RNASEL: variants seen among roughly 807,000 people sequenced by gnomAD.
RNASEL encodes 2-5A-dependent ribonuclease.
Under a neutral mutation model 50.9 loss-of-function variants are expected in RNASEL, and 36 were observed. That is an observed-to-expected ratio of 0.71 (90% CI 0.54 to 0.93). RNASEL has a LOEUF of 0.93. RNASEL is among the 40% of genes least tolerant of loss of function. RNASEL has a pLI of 0.00. For missense variants in RNASEL, 860 were observed against 894.5 expected (o/e 0.96, Z 0.49); for synonymous variants, 335 against 335.6 (o/e 1.00, Z 0.02).
In RNASEL at chr1:182,586,809, C is replaced by G. The variant is rs532064654; in HGVS notation, c.-3G>C. On this transcript the variant is annotated 5_prime_UTR_variant, in exon 2 of 7. Coordinates refer to ENST00000367559, the MANE Select transcript of RNASEL (RefSeq NM_021133.4). ...TTGTTATGATCCCTGCTCTCCATGA[C>G]GGTAAATGCCACCTGCTACCACTTT... 6.2e-7 allele frequency: 1 copy of G among 1,614,070 alleles called. No individual in the cohort carries two copies. The highest frequency in any genetic ancestry group is 8.5e-7 in the Non-Finnish European group (1 of 1,180,034).
Position 182,586,435 on chromosome 1 carries a change from A to G in RNASEL, c.372T>C (p.Tyr124=), listed in dbSNP as rs1393826700. 6.2e-7 allele frequency: 1 copy of G among 1,614,118 alleles called. No individual in the cohort carries two copies. The highest frequency in any genetic ancestry group is 8.5e-7 in the Non-Finnish European group (1 of 1,180,044). The part of the protein sequence containing the change: ...KGADVNECDF[Y]GFTAFMEAAV... ...CGGCTTCCATGAAGGCTGTGAAGCC[A>G]TAAAAATCACACTCATTGACATCTG... The change falls in exon 2 of 7, where the codon TAT becomes TAC. Residue 124 remains tyrosine (Y), a synonymous_variant. Coordinates refer to ENST00000367559, the MANE Select transcript of RNASEL (RefSeq NM_021133.4).
Position 182,575,728 on chromosome 1 carries a change from C to A in RNASEL, c.2040-150G>T. ...AATCTGACAGAGCAAGACTCCTCCC[C>A]TGACTCTTCAACTAATTGTGCAACC... On this transcript the variant is annotated intron_variant, in intron 6 of 6. Transcript: ENST00000367559. 7.0e-6 allele frequency: 7 copies of A among 998,308 alleles called. No homozygotes were observed. The South Asian group carries it at 1.0e-4, about 14-fold the overall frequency. The allele number at this position is 998,308 out of a possible 1,614,324, so 61.8% of individuals were successfully genotyped here.
chr1:182,583,220 T>A (rs758045359), intron 3 of RNASEL, among the ~76,000 whole-genome samples: 5 of 152,088 alleles, frequency 3.3e-5, no homozygotes, highest in African/African-American at 4.8e-5. Flanking sequence ...CTTATTAAGG[T>A]AGTGGAGGAA....
rs550586255 is a variant in RNASEL at position 182,574,193 on chromosome 1, A to G, written c.*1199T>C. The G allele has an allele frequency of 5.8e-5, 13 of 225,132 alleles. No individual in the cohort carries two copies. In the South Asian group the frequency reaches 2.4e-3, roughly 41 times the overall value. The allele number at this position is 225,132 out of a possible 1,614,324, so 13.9% of individuals were successfully genotyped here. ...TTCATTCATTATTCAATGAATATTT[A>G]TTAAACATTCCCACTTGGCAGACTT... On this transcript the variant is annotated 3_prime_UTR_variant, in exon 7 of 7. Coordinates refer to ENST00000367559, the MANE Select transcript of RNASEL (RefSeq NM_021133.4).
intron 3 of RNASEL, among the ~76,000 whole-genome samples, chr1:182,583,414 T>C (rs1355306929): frequency 2.0e-5 from 3 of 152,194 alleles, no homozygotes; most frequent in Admixed American, 6.5e-5. Flanking sequence ...CATTCTTTTT[T>C]TCCTGGTTAA....
At chr1:182,579,497 G>T (rs549205190) in intron 5 of RNASEL, 1 of 1,076,726 alleles carries the variant, frequency 9.3e-7, no homozygotes, top group African/African-American at 1.7e-5. Context: ...CAGAACACCC[G>T]TGAGAAACGC....
intron 1 of RNASEL, 81 bp from the exon 2 acceptor site, chr1:182,587,051 T>A (rs1175150616): frequency 5.1e-6 from 2 of 388,948 alleles, no homozygotes; most frequent in African/African-American, 4.1e-5. Context: ...TATTAGCATT[T>A]TTTCTAAATA....
Position 182,586,153 on chromosome 1 carries a change from C to A in RNASEL, c.654G>T (p.Val218=). The part of the protein sequence containing the change: ...HALLSSDDSD[V]EAITHLLLDH... ...CCAGCAGCAGATGCGTAATAGCCTC[C>A]ACATCACTATCGTCAGAGCTCAGGA... The change falls in exon 2 of 7, where the codon GTG becomes GTT. Residue 218 remains valine (V), a synonymous_variant. Coordinates refer to ENST00000367559, the MANE Select transcript of RNASEL (RefSeq NM_021133.4). 1 of 1,614,176 alleles carries A rather than the reference C, an allele frequency of 6.2e-7. No individual in the cohort carries two copies. The highest frequency in any genetic ancestry group is 8.5e-7 in the Non-Finnish European group (1 of 1,180,040).
At position 182,586,928 on chromosome 1, in the gene RNASEL, A is replaced by G; in HGVS notation, c.-122T>C. On this transcript the variant is annotated 5_prime_UTR_variant, in exon 2 of 7. Coordinates refer to ENST00000367559, the MANE Select transcript of RNASEL (RefSeq NM_021133.4). ...TGGGATTCTCTGGCAACAGAGCAGC[A>G]GTATGAAGAAGGAACAATGTTCTCA... 7.9e-7 allele frequency: 1 copy of G among 1,262,184 alleles called. No homozygotes were observed. The highest frequency in any genetic ancestry group is 1.1e-6 in the Non-Finnish European group (1 of 874,460). 78.2% of individuals were successfully genotyped at this position (1,262,184 alleles called of 1,614,324 possible).
At position 182,574,391 on chromosome 1, in the gene RNASEL, G is replaced by A. The variant is rs1661343490; in HGVS notation, c.*1001C>T. ...AGTGAGGGAGGCCTGGGAGCCTCCT[G>A]TGGGGCTGACACCAGAAGGAACTCC... On this transcript the variant is annotated 3_prime_UTR_variant, in exon 7 of 7. Coordinates refer to ENST00000367559, the MANE Select transcript of RNASEL (RefSeq NM_021133.4). 2 of 228,546 alleles carry A rather than the reference G, an allele frequency of 8.8e-6. No individual in the cohort carries two copies. The highest frequency in any genetic ancestry group is 1.7e-5 in the Non-Finnish European group (2 of 115,266). The allele number at this position is 228,546 out of a possible 1,614,324, so 14.2% of individuals were successfully genotyped here.
At chr1:182,580,693 T>C (rs12091818) in intron 5 of RNASEL, among the ~76,000 whole-genome samples, 21 of 152,250 alleles carry the variant, frequency 1.4e-4, no homozygotes, top group African/African-American at 5.1e-4. Flanking sequence ...CTATAATTAA[T>C]GCAAGTTAGG....
chr1:182,586,446 A>G lies in RNASEL; in HGVS notation c.361T>C (p.Cys121Arg). Residue 121 changes from cysteine to arginine, a missense_variant, in exon 2 of 7, where the codon TGT becomes CGT. Cys to Arg is a radical substitution (Grantham distance 180, BLOSUM62 -3). Transcript: ENST00000367559. ...FLSKGADVNECDFYGFTAFME... is the reference protein window; with the variant it reads ...FLSKGADVNERDFYGFTAFME... ...AAGGCTGTGAAGCCATAAAAATCAC[A>G]CTCATTGACATCTGCTCCTTTAGAA... 1 of 1,614,152 alleles carries G rather than the reference A, an allele frequency of 6.2e-7. No individual in the cohort carries two copies. Among genetic ancestry groups the G allele is most frequent in the Non-Finnish European group, 8.5e-7 (1 of 1,180,006 alleles).
chr1:182,575,056 T>C lies in RNASEL; in HGVS notation c.*336A>G, dbSNP rs1661353970. On this transcript the variant is annotated 3_prime_UTR_variant, in exon 7 of 7. Coordinates refer to ENST00000367559, the MANE Select transcript of RNASEL (RefSeq NM_021133.4). ...CTCAGTTCTTAAATGGGGATGATAA[T>C]CCCTGTTTTGCAAGATCATTGGGAA... is the stretch of plus-strand genomic sequence containing the variant. The C allele has an allele frequency of 2.6e-6, 1 of 384,764 alleles. No homozygotes were observed. Among genetic ancestry groups the C allele is most frequent in the Non-Finnish European group, 4.8e-6 (1 of 209,916 alleles). 23.8% of individuals were successfully genotyped at this position (384,764 alleles called of 1,614,324 possible). A position where few individuals can be genotyped will look rare whatever the true frequency, so the allele number is the denominator to read the frequency against.
chr1:182,573,696 G>A lies in RNASEL; in HGVS notation c.*1696C>T. The A allele has an allele frequency of 5.5e-6, 1 of 181,468 alleles. No homozygotes were observed. Among genetic ancestry groups the A allele is most frequent in the East Asian group, 9.1e-5 (1 of 11,024 alleles). 11.2% of individuals were successfully genotyped at this position (181,468 alleles called of 1,614,324 possible). On this transcript the variant is annotated 3_prime_UTR_variant, in exon 7 of 7. Transcript: ENST00000367559. ...ATGGGCATTTTAATTGACATGTCCA[G>A]GTGCTCATTACAAATCAGAGAACCA...
At chr1:182,577,797 A>G (rs756153330) in intron 5 of RNASEL, among the ~76,000 whole-genome samples, 45 of 152,330 alleles carry the variant, frequency 3.0e-4, no homozygotes, top group Non-Finnish European at 4.6e-4. Context: ...ACATAGATCA[A>G]TGGAACAGAA....
chr1:182,587,142 C>G (rs1226797993), intron 1 of RNASEL, among the ~76,000 whole-genome samples, 172 bp from the exon 2 acceptor site: 4 of 151,992 alleles, frequency 2.6e-5, no homozygotes, highest in Admixed American at 6.6e-5. Flanking sequence ...AATTATTTCT[C>G]TAGTCCCAAT....
chr1:182,583,052 T>C (rs1661524992), intron 3 of RNASEL, among the ~76,000 whole-genome samples: 1 of 152,196 alleles, frequency 6.6e-6, no homozygotes, highest in Non-Finnish European at 1.5e-5. Flanking sequence ...AGAACCTTAG[T>C]ATCCAGCCTT....
intron 5 of RNASEL, chr1:182,579,979 A>C (rs1363181238): frequency 2.2e-6 from 1 of 456,822 alleles, no homozygotes; most frequent in South Asian, 1.5e-5. Context: ...AGTTGGAAAA[A>C]TTATTTGTCT....
chr1:182,586,789 A>G lies in RNASEL; in HGVS notation c.18T>C (p.His6=). 1 of 1,614,202 alleles carries G rather than the reference A, an allele frequency of 6.2e-7. No homozygotes were observed. The highest frequency in any genetic ancestry group is 8.5e-7 in the Non-Finnish European group (1 of 1,180,042). Residue 6 remains histidine, a synonymous_variant, in exon 2 of 7, where the codon CAT becomes CAC. Transcript: ENST00000367559. MESRD[H]NNPQEGPTSS... Reference sequence around the variant, plus strand: ...ACGTGGGTCCCTCCTGGGGGTTGTTATGATCCCTGCTCTCCATGACGGTAA... The same window carrying G: ...ACGTGGGTCCCTCCTGGGGGTTGTTGTGATCCCTGCTCTCCATGACGGTAA...
Sources: gnomAD v4.1 joint callset for allele counts (sites outside exome capture counted in the v4.1 genomes callset) on GRCh38, gnomAD v4.1.1 for gene constraint, MANE v1.5 for transcripts, NCBI Gene and HGNC (gene_info 2026-07-23, HGNC 2026-07-21) for gene names.